PCDHGC3: variants seen among roughly 807,000 people sequenced by gnomAD.
The protein encoded by PCDHGC3 is protocadherin gamma subfamily C, 3, also known as protocadherin gamma-C3.
A neutral mutation model predicts 59.2 loss-of-function variants in PCDHGC3; 26 were observed. The observed-to-expected ratio is 0.44, with a 90% CI of 0.32 to 0.61. The LOEUF (loss-of-function observed/expected upper bound fraction) is 0.61, where lower values mean the gene tolerates loss of function less well. Among genes scored for constraint, PCDHGC3 ranks in the 20% least tolerant of loss-of-function variants. PCDHGC3 has a pLI of 0.05. For synonymous variants in PCDHGC3, 487 were observed against 519.7 expected (o/e 0.94, Z 0.86); for missense variants, 1,080 against 1,221.8 (o/e 0.88, Z 1.73).
chr5:141,482,245 G>A (rs72790067), intron 1 of PCDHGC3, among the ~76,000 whole-genome samples: 74 of 152,252 alleles, frequency 4.9e-4, no homozygotes, highest in Non-Finnish European at 7.9e-4. Flanking sequence ...TATAAGTATA[G>A]TACTGTACAT....
At chr5:141,507,132 C>T (rs748716107) in intron 3 of PCDHGC3, 2 of 152,188 alleles carry the variant, frequency 1.3e-5, no homozygotes, top group African/African-American at 2.4e-5. Flanking sequence ...GATCCAGCCT[C>T]GGCTTCTCTA....
Position 141,511,208 on chromosome 5 carries a change from C to T in PCDHGC3, c.*35C>T, listed in dbSNP as rs1278180818. 27 of 1,610,922 alleles carry T rather than the reference C, an allele frequency of 1.7e-5. No individual in the cohort carries two copies. Among genetic ancestry groups the T allele is most frequent in the Non-Finnish European group, 2.3e-5 (27 of 1,178,572 alleles). ...CAGGCCAAGAGCCACAGGGCGGCCT[C>T]TCCCCAACCAGCCCAGCTTCTCCTT... On this transcript the variant is annotated 3_prime_UTR_variant, in exon 4 of 4. Coordinates refer to ENST00000308177, the MANE Select transcript of PCDHGC3 (RefSeq NM_002588.4).
intron 1 of PCDHGC3, chr5:141,479,494 G>C (rs747201739): frequency 2.6e-5 from 4 of 152,256 alleles, no homozygotes; most frequent in Non-Finnish European, 5.9e-5. Flanking sequence ...CCATCAGGTT[G>C]CCTAAAGAGG....
intron 2 of PCDHGC3, among the ~76,000 whole-genome samples, chr5:141,500,901 G>A (rs984072329): frequency 7.6e-5 from 11 of 144,582 alleles, no homozygotes; most frequent in African/African-American, 2.6e-4. Flanking sequence ...AGACAGTCTC[G>A]CTCTGTCTCC....
In PCDHGC3 at chr5:141,478,818, C is replaced by T. The variant is rs980032138; in HGVS notation, c.2430+272C>T. ...AGCACTCTTTTGCTATCACAACTAA[C>T]CAATCTTGCTAAGGGATGGTTAAGC... On this transcript the variant is annotated intron_variant, in intron 1 of 3. Transcript: ENST00000308177. The T allele has an allele frequency of 2.1e-5, 30 of 1,449,330 alleles. No individual in the cohort carries two copies. The African/African-American group carries it at 3.3e-4, about 16-fold the overall frequency. 89.8% of individuals were successfully genotyped at this position (1,449,330 alleles called of 1,614,324 possible). A position where few individuals can be genotyped will look rare whatever the true frequency, so the allele number is the denominator to read the frequency against.
Position 141,491,916 on chromosome 5 carries a change from G to T in PCDHGC3, c.2431-2891G>T. ...GAGCACCGGGGGTGGTGGCGACTGT[G>T]GGCGAGGGGAGGTGGGACCGACCCC... On this transcript the variant is annotated intron_variant, in intron 1 of 3. Transcript: ENST00000308177. The surrounding 1 kb of genome is among the most constrained non-coding windows in gnomAD (Gnocchi z 6.9). 2 of 1,386,662 alleles carry T rather than the reference G, an allele frequency of 1.4e-6. No homozygotes were observed. Among genetic ancestry groups the T allele is most frequent in the African/African-American group, 1.5e-5 (1 of 68,510 alleles). The allele number at this position is 1,386,662 out of a possible 1,614,324, so 85.9% of individuals were successfully genotyped here.
At chr5:141,497,540 C>T (rs866982821) in intron 2 of PCDHGC3, among the ~76,000 whole-genome samples, 5 of 134,944 alleles carry the variant, frequency 3.7e-5, no homozygotes, top group African/African-American at 1.1e-4. Context: ...TGCAACAAAC[C>T]TTTTTTTTTT....
chr5:141,492,557 G>A (rs2154587614), intron 1 of PCDHGC3, among the ~76,000 whole-genome samples: 1 of 152,350 alleles, frequency 6.6e-6, no homozygotes, highest in East Asian at 1.9e-4. Flanking sequence ...TCGCCTGGGG[G>A]GCGGCCTGAG....
In PCDHGC3 at chr5:141,491,163, C is replaced by T; in HGVS notation, c.2431-3644C>T. On this transcript the variant is annotated intron_variant, in intron 1 of 3. Transcript: ENST00000308177. The surrounding 1 kb of genome is among the most constrained non-coding windows in gnomAD (Gnocchi z 6.9). ...CCTTACTGGAGGATGACTCTGACAC[C>T]CAGCAGGTGGTGGTCCTGGTGAGGG... is the stretch of plus-strand genomic sequence containing the variant. 1 of 1,614,092 alleles carries T rather than the reference C, an allele frequency of 6.2e-7. No homozygotes were observed. Among genetic ancestry groups the T allele is most frequent in the Non-Finnish European group, 8.5e-7 (1 of 1,179,950 alleles).
chr5:141,487,162 G>T lies in PCDHGC3; in HGVS notation c.2431-7645G>T, dbSNP rs2099640627. 6.2e-7 allele frequency: 1 copy of T among 1,613,496 alleles called. No individual in the cohort carries two copies. Among genetic ancestry groups the T allele is most frequent in the African/African-American group, 1.3e-5 (1 of 75,026 alleles). On this transcript the variant is annotated intron_variant, in intron 1 of 3. Transcript: ENST00000308177. This position sits in a 1 kb window ranked among gnomAD's most constrained non-coding sequence, Gnocchi z 5.0. ...TCTCTACCTCTGTTACTCTCTTAGTGTCCTTAGAGGAAGACACTCATCCAG... is the reference window on the plus strand; with the variant it reads ...TCTCTACCTCTGTTACTCTCTTAGTTTCCTTAGAGGAAGACACTCATCCAG...
In PCDHGC3 at chr5:141,478,290, A is replaced by G; in HGVS notation, c.2174A>G (p.Asp725Gly). 1 of 1,614,056 alleles carries G rather than the reference A, an allele frequency of 6.2e-7. No individual in the cohort carries two copies. The highest frequency in any genetic ancestry group is 1.1e-5 in the South Asian group (1 of 91,082). Residue 725 changes from aspartate (D) to glycine (G), a missense_variant, in exon 1 of 4, where the codon GAC becomes GGC. Transcript: ENST00000308177. ...FKVYKWKQSR[D>G]LYRAPVSSLY... ...GTTTACAAGTGGAAGCAGTCTAGAG[A>G]CCTATACCGAGCCCCGGTGAGCTCA...
intron 2 of PCDHGC3, among the ~76,000 whole-genome samples, chr5:141,498,091 C>G (rs2099781521): frequency 6.6e-6 from 1 of 152,156 alleles, no homozygotes; most frequent in African/African-American, 2.4e-5. Context: ...AGAATTGTAT[C>G]TGGTGGTGTG....
At chr5:141,503,284 G>C (rs899456087) in intron 2 of PCDHGC3, among the ~76,000 whole-genome samples, 2 of 152,044 alleles carry the variant, frequency 1.3e-5, no homozygotes, top group African/African-American at 4.8e-5. Flanking sequence ...TCTGTGTCTG[G>C]TACATAGAAA....
rs752660538 is a variant in PCDHGC3 at position 141,486,495 on chromosome 5, T to C, written c.2430+7949T>C. 1 of 1,614,074 alleles carries C rather than the reference T, an allele frequency of 6.2e-7. No individual in the cohort carries two copies. The highest frequency in any genetic ancestry group is 8.5e-7 in the Non-Finnish European group (1 of 1,179,922). On this transcript the variant is annotated intron_variant, in intron 1 of 3. Transcript: ENST00000308177. The surrounding 1 kb of genome is among the most constrained non-coding windows in gnomAD (Gnocchi z 5.0). ...CCTCCTCTCAGTACCCACAGAACTA[T>C]TTTCCTCAATATTTCAGATGTGAAT...
In PCDHGC3 at chr5:141,491,770, G is replaced by A; in HGVS notation, c.2431-3037G>A. 6.4e-7 allele frequency: 1 copy of A among 1,560,888 alleles called. No individual in the cohort carries two copies. Among genetic ancestry groups the A allele is most frequent in the Non-Finnish European group, 8.7e-7 (1 of 1,154,942 alleles). On this transcript the variant is annotated intron_variant, in intron 1 of 3. Coordinates refer to ENST00000308177, the MANE Select transcript of PCDHGC3 (RefSeq NM_002588.4). This position sits in a 1 kb window ranked among gnomAD's most constrained non-coding sequence, Gnocchi z 6.9. ...TGGAGAAGCCGCCCGTCCTCATAAG[G>A]GATTGAACTTGCATCCACTCCTCTC...
chr5:141,501,323 A>G (rs2099807887), intron 2 of PCDHGC3, among the ~76,000 whole-genome samples: 1 of 151,850 alleles, frequency 6.6e-6, no homozygotes, highest in East Asian at 1.9e-4. Flanking sequence ...ACACACACAC[A>G]CACACACACA....
chr5:141,492,023 C>A, intron 1 of PCDHGC3: 1 of 564,804 alleles, frequency 1.8e-6, no homozygotes, highest in Non-Finnish European at 3.0e-6. Context: ...TCGGGGGTCC[C>A]GGGAGGAGGC....
Position 141,491,984 on chromosome 5 carries a change from C to G in PCDHGC3, c.2431-2823C>G. 1.4e-6 allele frequency: 1 copy of G among 734,256 alleles called. No homozygotes were observed. The highest frequency in any genetic ancestry group is 3.2e-5 in the East Asian group (1 of 31,678). The allele number at this position is 734,256 out of a possible 1,614,324, so 45.5% of individuals were successfully genotyped here. ...AAGGCCGGGGCCTCCTTCGAGCTTC[C>G]GGTGAATTTCGGGCGATTTCCGCGG... On this transcript the variant is annotated intron_variant, in intron 1 of 3. Coordinates refer to ENST00000308177, the MANE Select transcript of PCDHGC3 (RefSeq NM_002588.4). The surrounding 1 kb of genome is among the most constrained non-coding windows in gnomAD (Gnocchi z 6.9).
rs762433242 is a variant in PCDHGC3, at chr5:141,476,856, C to A, written c.740C>A (p.Ser247Tyr). 2.5e-6 allele frequency: 4 copies of A among 1,613,762 alleles called. No individual in the cohort carries two copies. In the East Asian group the frequency reaches 6.7e-5, roughly 27 times the overall value. ...GACAATGCGCCTGTCTTCAACCAGTCCTTGTACCGGGCGCGCGTCCTGGAG... is the reference window on the plus strand; with the variant it reads ...GACAATGCGCCTGTCTTCAACCAGTACTTGTACCGGGCGCGCGTCCTGGAG... ...ANDNAPVFNQ[S>Y]LYRARVLEDA... is the part of the protein sequence containing the mutation. Residue 247 changes from serine (S) to tyrosine (Y), a missense_variant, in exon 1 of 4, where the codon TCC becomes TAC. Coordinates refer to ENST00000308177, the MANE Select transcript of PCDHGC3 (RefSeq NM_002588.4). This position sits in a 1 kb window ranked among gnomAD's most constrained non-coding sequence, Gnocchi z 7.6.
Sources: gnomAD v4.1 joint callset for allele counts (sites outside exome capture counted in the v4.1 genomes callset) on GRCh38, gnomAD v4.1.1 for gene constraint, Gnocchi (gnomAD v3.1) non-coding constraint, MANE v1.5 for transcripts, NCBI Gene and HGNC (gene_info 2026-07-23, HGNC 2026-07-21) for gene names.